The following CNTN3 variants were observed in gnomAD, a reference collection of about 807,000 sequenced individuals.
The protein encoded by CNTN3 is contactin 3.
A neutral mutation model predicts 119.1 loss-of-function variants in CNTN3; 60 were observed. That is an observed-to-expected ratio of 0.50 (90% CI 0.41 to 0.62). The LOEUF is 0.62. CNTN3 is among the 20% of genes least tolerant of loss of function. The probability of loss-of-function intolerance (pLI) is 0.00; values close to 1 mark genes in which losing one functional copy is unlikely to be tolerated. For missense variants in CNTN3, 1,101 were observed against 1,242.4 expected, an observed-to-expected ratio of 0.89 and a Z score of 1.71; for synonymous variants, 450 against 438.7, an observed-to-expected ratio of 1.03 and a Z score of -0.32.
At chr3:74,518,166 T>C (rs918731710) in intron 2 of CNTN3, among the ~76,000 whole-genome samples, 1 of 151,988 alleles carries the variant, frequency 6.6e-6, no homozygotes, top group African/African-American at 2.4e-5. Flanking sequence ...ACATGCCTTC[T>C]TAGTCACCAT....
At chr3:74,488,188 C>G (rs940743871) in intron 3 of CNTN3, among the ~76,000 whole-genome samples, 3 of 151,946 alleles carry the variant, frequency 2.0e-5, no homozygotes, top group African/African-American at 7.3e-5. Context: ...TCTCAGCTCA[C>G]GGCAAGCTCT....
rs530059198 is a variant in CNTN3, at chr3:74,482,175, C to T, written c.358+4281G>A. 3.2e-3 allele frequency among the ~76,000 whole-genome samples: 489 copies of T among 151,598 alleles called. 4 individuals carry two copies. Among genetic ancestry groups the T allele is most frequent in the African/African-American group, 0.011 (465 of 41,406 alleles). On this transcript the variant is annotated intron_variant, in intron 4 of 22. Coordinates refer to ENST00000263665, the MANE Select transcript of CNTN3 (RefSeq NM_020872.3). Reference sequence around the variant, plus strand: ...GTGAAAATAACTTTGAAAGTAAAGCCAAAAAAGGATAGCCAGAAAAGGATA... The same window carrying T: ...GTGAAAATAACTTTGAAAGTAAAGCTAAAAAAGGATAGCCAGAAAAGGATA...
At chr3:74,362,586 T>G (rs559437095) in intron 10 of CNTN3, among the ~76,000 whole-genome samples, 1 of 152,172 alleles carries the variant, frequency 6.6e-6, no homozygotes, top group Non-Finnish European at 1.5e-5. Context: ...TGCTATAATA[T>G]TGCATGAAGT....
At position 74,593,696 on chromosome 3, in the gene CNTN3, C is replaced by T. The variant is rs530630538; in HGVS notation, c.-81+20695G>A. Reference sequence around the variant, plus strand: ...AGTTAAGTTTAACTTTCCAAGGCTACGTAGTTAGGAGGGTGAAATTGTTTA... The same window carrying T: ...AGTTAAGTTTAACTTTCCAAGGCTATGTAGTTAGGAGGGTGAAATTGTTTA... On this transcript the variant is annotated intron_variant, in intron 1 of 22. Transcript: ENST00000263665. 6.6e-5 allele frequency among the ~76,000 whole-genome samples: 10 copies of T among 151,964 alleles called. No individual in the cohort carries two copies. In the East Asian group the frequency reaches 7.8e-4, roughly 12 times the overall value.
intron 5 of CNTN3, among the ~76,000 whole-genome samples, chr3:74,378,873 C>T (rs1359821152): frequency 6.6e-6 from 1 of 152,064 alleles, no homozygotes; most frequent in African/African-American, 2.4e-5. Flanking sequence ...CCATGGTGTC[C>T]TAACTCCTAC....
chr3:74,539,451 A>G (rs1378403400), intron 1 of CNTN3, among the ~76,000 whole-genome samples: 2 of 152,108 alleles, frequency 1.3e-5, no homozygotes, highest in Non-Finnish European at 2.9e-5. Flanking sequence ...TTAGGGCAAT[A>G]AAGTGATTTG....
intron 4 of CNTN3, among the ~76,000 whole-genome samples, chr3:74,471,366 C>T (rs1346670643): frequency 1.3e-5 from 2 of 152,138 alleles, no homozygotes; most frequent in Non-Finnish European, 2.9e-5. Context: ...AAATACTCCA[C>T]ATTCCCCACA....
intron 1 of CNTN3, among the ~76,000 whole-genome samples, chr3:74,531,614 G>A (rs891307804): frequency 6.6e-6 from 1 of 151,962 alleles, no homozygotes; most frequent in Admixed American, 6.6e-5. Context: ...AGCCCACAAA[G>A]CACTGGGCCG....
intron 1 of CNTN3, among the ~76,000 whole-genome samples, chr3:74,580,474 G>C (rs1006712857): frequency 2.4e-4 from 37 of 151,994 alleles, no homozygotes; most frequent in African/African-American, 8.9e-4. Context: ...AAATTTTTAA[G>C]TCCCTTGAAG....
chr3:74,307,233 C>T (rs1210182173), intron 13 of CNTN3, among the ~76,000 whole-genome samples: 1 of 152,076 alleles, frequency 6.6e-6, no homozygotes, highest in Non-Finnish European at 1.5e-5. Flanking sequence ...AATCTGTCCC[C>T]AGAAAATAAA....
chr3:74,440,521 G>T (rs563373156), intron 4 of CNTN3, among the ~76,000 whole-genome samples: 1 of 151,978 alleles, frequency 6.6e-6, no homozygotes, highest in South Asian at 2.1e-4. Flanking sequence ...TATAACTGTG[G>T]AATGTAGAGA....
chr3:74,267,906 A>T (rs1452578755), intron 20 of CNTN3, among the ~76,000 whole-genome samples: 1 of 152,176 alleles, frequency 6.6e-6, no homozygotes, highest in African/African-American at 2.4e-5. Context: ...TGAAGTGTAT[A>T]TGATTTTGGA....
intron 4 of CNTN3, among the ~76,000 whole-genome samples, chr3:74,456,900 C>G (rs905551874): frequency 4.1e-4 from 62 of 151,894 alleles, no homozygotes; most frequent in Non-Finnish European, 1.8e-4. Flanking sequence ...AAAATAAAAT[C>G]TATTTACCAA....
chr3:74,321,446 T>C (rs1042756044), intron 13 of CNTN3, among the ~76,000 whole-genome samples: 12 of 152,038 alleles, frequency 7.9e-5, no homozygotes, highest in Admixed American at 7.2e-4. Flanking sequence ...ATTGAGTGCA[T>C]ATAAAAGCAA....
intron 4 of CNTN3, among the ~76,000 whole-genome samples, chr3:74,437,710 T>G (rs1701892620): frequency 6.6e-6 from 1 of 152,154 alleles, no homozygotes; most frequent in Admixed American, 6.5e-5. Context: ...TGTGTGTATA[T>G]ATACATATAT....
intron 5 of CNTN3, among the ~76,000 whole-genome samples, chr3:74,401,714 G>A (rs537874981): frequency 1.3e-5 from 2 of 152,174 alleles, no homozygotes; most frequent in South Asian, 2.1e-4. Context: ...TTAAACTCAC[G>A]CCAGAGAAAG....
Position 74,329,697 on chromosome 3 carries a change from C to T in CNTN3, c.1668+5038G>A, listed in dbSNP as rs115878768. Among the ~76,000 whole-genome samples, 285 of 152,216 alleles carry T rather than the reference C, an allele frequency of 1.9e-3. 1 individual carries two copies. Among genetic ancestry groups the T allele is most frequent in the African/African-American group, 6.7e-3 (277 of 41,542 alleles). ...CTCTTGAACTTTGGAATATTACCTC[C>T]CTTTTCCTATCGATGGATGCTAAGC... On this transcript the variant is annotated intron_variant, in intron 13 of 22. Transcript: ENST00000263665.
chr3:74,422,754 C>A (rs1701636431), intron 5 of CNTN3, among the ~76,000 whole-genome samples: 1 of 152,154 alleles, frequency 6.6e-6, no homozygotes, highest in South Asian at 2.1e-4. Flanking sequence ...TCATTTGAGA[C>A]AATATAAATT....
At chr3:74,426,714 C>T (rs1456207909) in intron 4 of CNTN3, among the ~76,000 whole-genome samples, 1 of 152,154 alleles carries the variant, frequency 6.6e-6, no homozygotes, top group Non-Finnish European at 1.5e-5. Flanking sequence ...GTTGTATCAC[C>T]TTAAATCTAA....
Sources: allele counts gnomAD v4.1 joint callset (sites outside exome capture counted in the v4.1 genomes callset), GRCh38; gene constraint gnomAD v4.1.1; transcripts MANE v1.5; gene names NCBI Gene and HGNC (gene_info 2026-07-23, HGNC 2026-07-21).